DCUN1D3: variants seen among roughly 807,000 people sequenced by gnomAD.
DCUN1D3 encodes the protein DCN1-like protein 3.
A neutral mutation model predicts 24.8 loss-of-function variants in DCUN1D3; 6 were observed. The ratio of observed to expected loss-of-function variants is 0.24; its 90% CI spans 0.13 to 0.48. The LOEUF is 0.48. Among genes scored for constraint, DCUN1D3 ranks in the 20% least tolerant of loss-of-function variants. The probability of loss-of-function intolerance (pLI) is 0.99; values close to 1 mark genes in which losing one functional copy is unlikely to be tolerated. For synonymous variants in DCUN1D3, 120 were observed against 144.9 expected (o/e 0.83, Z 1.24); for missense variants, 258 against 379.4 (o/e 0.68, Z 2.66).
chr16:20,869,633 G>C (rs932485561), intron 1 of DCUN1D3, among the ~76,000 whole-genome samples: 2 of 152,200 alleles, frequency 1.3e-5, no homozygotes, highest in Non-Finnish European at 2.9e-5. Context: ...GGAGGAGGGA[G>C]AGGGTTGATA....
In DCUN1D3 at chr16:20,877,037, G is replaced by A. The variant is rs145445482; in HGVS notation, c.-105-14394C>T. On this transcript the variant is annotated intron_variant, in intron 1 of 2. Transcript: ENST00000324344. The stretch of plus-strand genomic sequence containing the variant: ...CTAGCGTTGGAAAAATCAGTAGGGT[G>A]ACTCCAGTCAACAATAATCTAATGT... 4.4e-3 allele frequency among the ~76,000 whole-genome samples: 665 copies of A among 152,212 alleles called. 8 individuals carry two copies. Among genetic ancestry groups the A allele is most frequent in the South Asian group, 4.4e-3 (21 of 4,824 alleles).
chr16:20,890,470 T>A (rs8059799), intron 1 of DCUN1D3, among the ~76,000 whole-genome samples: 144,773 of 149,300 alleles, frequency 0.97, 70,223 homozygotes, highest in East Asian at 1. Flanking sequence ...AAAAAAAAAA[T>A]TTTTTTTAAC....
chr16:20,899,414 T>A (rs2081946161), intron 1 of DCUN1D3, among the ~76,000 whole-genome samples: 1 of 152,112 alleles, frequency 6.6e-6, no homozygotes, highest in Non-Finnish European at 1.5e-5. Flanking sequence ...TAAGAGGTAC[T>A]CCCAACGTGA....
At chr16:20,898,223 G>C (rs774945737) in intron 1 of DCUN1D3, among the ~76,000 whole-genome samples, 5 of 152,164 alleles carry the variant, frequency 3.3e-5, no homozygotes, top group Admixed American at 3.3e-4. Context: ...TATACTTAAA[G>C]CTCAACTTAA....
intron 1 of DCUN1D3, among the ~76,000 whole-genome samples, chr16:20,894,677 C>T (rs2081907406): frequency 6.6e-6 from 1 of 152,230 alleles, no homozygotes; most frequent in Admixed American, 6.5e-5. Context: ...AAGTCATTGA[C>T]ATGTCTGCCT....
At chr16:20,874,048 C>G (rs1282777306) in intron 1 of DCUN1D3, among the ~76,000 whole-genome samples, 1 of 152,202 alleles carries the variant, frequency 6.6e-6, no homozygotes, top group Non-Finnish European at 1.5e-5. Context: ...AGCCAACAAA[C>G]TCTCCTTTGC....
intron 1 of DCUN1D3, among the ~76,000 whole-genome samples, chr16:20,895,782 G>T (rs2081912764): frequency 6.6e-6 from 1 of 152,188 alleles, no homozygotes; most frequent in African/African-American, 2.4e-5. Context: ...GGTCCATTGT[G>T]CAAAGAGCTC....
rs2081704354 is a variant in DCUN1D3, at chr16:20,856,695, T to C, written c.*3191A>G. ...GCATAGCAAAGCCCCTTACAGGAGG[T>C]GGGGTTAAGAACGATACATTGAGAT... On this transcript the variant is annotated 3_prime_UTR_variant, in exon 3 of 3. Coordinates refer to ENST00000324344, the MANE Select transcript of DCUN1D3 (RefSeq NM_173475.4). 6.6e-6 allele frequency: 1 copy of C among 151,658 alleles called. No individual in the cohort carries two copies. Among genetic ancestry groups the C allele is most frequent in the African/African-American group, 2.4e-5 (1 of 41,250 alleles). The allele number at this position is 151,658 out of a possible 1,614,324, so 9.4% of individuals were successfully genotyped here. A position where few individuals can be genotyped will look rare whatever the true frequency, so the allele number is the denominator to read the frequency against.
chr16:20,873,559 T>A, intron 1 of DCUN1D3, among the ~76,000 whole-genome samples: 1 of 152,236 alleles, frequency 6.6e-6, no homozygotes, highest in East Asian at 1.9e-4. Flanking sequence ...AGGACAGATT[T>A]GTAGCAGACG....
chr16:20,867,935 T>C (rs1377192427), intron 1 of DCUN1D3, among the ~76,000 whole-genome samples: 1 of 152,228 alleles, frequency 6.6e-6, no homozygotes, highest in East Asian at 1.9e-4. Flanking sequence ...CAGGATTTCC[T>C]TGTGATTGAT....
chr16:20,857,935 AG>A lies in DCUN1D3; in HGVS notation c.*1950del, dbSNP rs1046275409. Reference sequence around the variant, plus strand: ...CTTAAGATGGGAGCCCAGAGCTGTAAGGCTGCTCACAATGGAACTCAAAACA... The same window carrying A: ...CTTAAGATGGGAGCCCAGAGCTGTAAGCTGCTCACAATGGAACTCAAAACA... On this transcript the variant is annotated 3_prime_UTR_variant, in exon 3 of 3. Transcript: ENST00000324344. 1.3e-5 allele frequency: 2 copies of A among 152,588 alleles called. No individual in the cohort carries two copies. Among genetic ancestry groups the A allele is most frequent in the Non-Finnish European group, 2.9e-5 (2 of 68,038 alleles). The allele number at this position is 152,588 out of a possible 1,614,324, so 9.5% of individuals were successfully genotyped here.
intron 1 of DCUN1D3, among the ~76,000 whole-genome samples, chr16:20,870,500 T>G (rs1272434219): frequency 1.3e-5 from 2 of 152,092 alleles, no homozygotes; most frequent in Non-Finnish European, 2.9e-5. Context: ...GGAAGCCCAC[T>G]CAGAGGAATG....
At chr16:20,887,588 A>G (rs919317767) in intron 1 of DCUN1D3, among the ~76,000 whole-genome samples, 1 of 152,200 alleles carries the variant, frequency 6.6e-6, no homozygotes, top group South Asian at 2.1e-4. Flanking sequence ...ACTTAATCCA[A>G]TGGTAGTCCC....
chr16:20,861,988 TA>T, intron 2 of DCUN1D3, 119 bp downstream of exon 2: 2 of 1,080,750 alleles, frequency 1.9e-6, no homozygotes, highest in Non-Finnish European at 2.6e-6. Context: ...ATCAGAAAAA[TA>T]AAAACTTACC....
chr16:20,875,608 A>G (rs938010718), intron 1 of DCUN1D3, among the ~76,000 whole-genome samples: 2 of 152,208 alleles, frequency 1.3e-5, no homozygotes, highest in Non-Finnish European at 2.9e-5. Context: ...CCTCTCTCAC[A>G]CTATATACAA....
intron 2 of DCUN1D3, among the ~76,000 whole-genome samples, chr16:20,861,659 A>T (rs551628780): frequency 6.6e-6 from 1 of 152,116 alleles, no homozygotes; most frequent in South Asian, 2.1e-4. Context: ...TAAGGCAAAG[A>T]TGAGCAGTGC....
At position 20,860,812 on chromosome 16, in the gene DCUN1D3, G is replaced by A. The variant is rs1406089451; in HGVS notation, c.432-443C>T. ...GGTATATTTTTAGAGATTGCCAAGG[G>A]AGACTTCTGGAGCCAAGGATTCTGA... On this transcript the variant is annotated intron_variant, in intron 2 of 2. Transcript: ENST00000324344. The surrounding 1 kb of genome is among the most constrained non-coding windows in gnomAD (Gnocchi z 4.3). 1.3e-5 allele frequency among the ~76,000 whole-genome samples: 2 copies of A among 152,182 alleles called. No individual in the cohort carries two copies. Among genetic ancestry groups the A allele is most frequent in the African/African-American group, 4.8e-5 (2 of 41,420 alleles).
chr16:20,859,901 G>C lies in DCUN1D3; in HGVS notation c.900C>G (p.Pro300=), dbSNP rs762383051. The change falls in exon 3 of 3, where the codon CCC becomes CCG. Residue 300 remains proline, a synonymous_variant. Coordinates refer to ENST00000324344, the MANE Select transcript of DCUN1D3 (RefSeq NM_173475.4). ...ALSSGPEGLC[P]EEQT is the part of the protein sequence containing the mutation. ...GACAGAGCCACTAAGTCTGCTCCTCGGGACACAAGCCCTCAGGCCCTGAGC... is the reference window on the plus strand; with the variant it reads ...GACAGAGCCACTAAGTCTGCTCCTCCGGACACAAGCCCTCAGGCCCTGAGC... 3.1e-6 allele frequency: 5 copies of C among 1,609,966 alleles called. No individual in the cohort carries two copies. Among genetic ancestry groups the C allele is most frequent in the Admixed American group, 1.7e-5 (1 of 59,858 alleles).
At chr16:20,867,312 A>C (rs996135674) in intron 1 of DCUN1D3, among the ~76,000 whole-genome samples, 4 of 152,054 alleles carry the variant, frequency 2.6e-5, no homozygotes, top group Non-Finnish European at 4.4e-5. Context: ...AGAGCAGCAA[A>C]TCTCACCATC....
Sources: gnomAD v4.1 joint callset for allele counts (sites outside exome capture counted in the v4.1 genomes callset) on GRCh38, gnomAD v4.1.1 for gene constraint, Gnocchi (gnomAD v3.1) non-coding constraint, MANE v1.5 for transcripts, NCBI Gene and HGNC (gene_info 2026-07-23, HGNC 2026-07-21) for gene names.